The following NFYC variants were observed in gnomAD, a reference collection of about 807,000 sequenced individuals.
NFYC encodes CAAT box DNA-binding protein subunit C.
Under a neutral mutation model 53.1 loss-of-function variants are expected in NFYC, and 25 were observed. The observed-to-expected ratio is 0.47, with a 90% CI of 0.34 to 0.66. The LOEUF (loss-of-function observed/expected upper bound fraction) is 0.66. Ranked by LOEUF, NFYC falls within the 30% of genes least tolerant of loss-of-function variation. The pLI is 0.01. For missense variants in NFYC, 260 were observed against 422.7 expected, an observed-to-expected ratio of 0.62 and a Z score of 3.38; for synonymous variants, 145 against 152.6, an observed-to-expected ratio of 0.95 and a Z score of 0.37.
chr1:40,735,801 A>G (rs1211535434), intron 1 of NFYC: 6 of 973,846 alleles, frequency 6.2e-6, no homozygotes, highest in Non-Finnish European at 7.3e-6. Flanking sequence ...CCAGAAAGAT[A>G]TTTTTGTTTG....
At chr1:40,751,028 T>A (rs1645885424) in intron 4 of NFYC, among the ~76,000 whole-genome samples, 1 of 152,208 alleles carries the variant, frequency 6.6e-6, no homozygotes, top group African/African-American at 2.4e-5. Context: ...AACCCAGCCA[T>A]TTCATTCCTA....
chr1:40,712,037 G>C (rs1417201250), intron 1 of NFYC, among the ~76,000 whole-genome samples: 1 of 152,332 alleles, frequency 6.6e-6, no homozygotes, highest in African/African-American at 2.4e-5. Context: ...ATGAGATCAT[G>C]TGTGTCAAAG....
intron 1 of NFYC, among the ~76,000 whole-genome samples, chr1:40,721,986 C>T (rs1252751432): frequency 8.5e-5 from 13 of 152,090 alleles, no homozygotes; most frequent in South Asian, 2.1e-4. Flanking sequence ...CTGGCTAACA[C>T]GGTGAAACCC....
chr1:40,693,298 T>C (rs929751748), intron 1 of NFYC, among the ~76,000 whole-genome samples: 1 of 152,238 alleles, frequency 6.6e-6, no homozygotes, highest in Non-Finnish European at 1.5e-5. Flanking sequence ...TATGTTCTTT[T>C]CCACTGAATC....
chr1:40,720,288 G>C lies in NFYC; in HGVS notation c.-8-18548G>C, dbSNP rs75526831. Among the ~76,000 whole-genome samples, 700 of 152,212 alleles carry C rather than the reference G, an allele frequency of 4.6e-3. 6 individuals are homozygous for C. Among genetic ancestry groups the C allele is most frequent in the African/African-American group, 0.016 (679 of 41,520 alleles). On this transcript the variant is annotated intron_variant, in intron 1 of 9. Coordinates refer to ENST00000447388, the MANE Select transcript of NFYC (RefSeq NM_014223.5). Reference sequence around the variant, plus strand: ...ATTGACATTATTATAACGCCCTCTAGGTTTTTAATTGACAATTTTCTGCCT... The same window carrying C: ...ATTGACATTATTATAACGCCCTCTACGTTTTTAATTGACAATTTTCTGCCT...
intron 3 of NFYC, among the ~76,000 whole-genome samples, chr1:40,748,916 C>T (rs892535243): frequency 1.3e-5 from 2 of 152,162 alleles, no homozygotes; most frequent in African/African-American, 4.8e-5. Flanking sequence ...TCCCATTTCC[C>T]ATCTGCTGCT....
At chr1:40,720,842 G>A (rs932374919) in intron 1 of NFYC, among the ~76,000 whole-genome samples, 3 of 152,140 alleles carry the variant, frequency 2.0e-5, no homozygotes, top group African/African-American at 7.2e-5. Flanking sequence ...GCACTCCAGC[G>A]TGGGCAACAG....
intron 7 of NFYC, among the ~76,000 whole-genome samples, chr1:40,765,191 A>T (rs1050774524): frequency 6.6e-6 from 1 of 152,228 alleles, no homozygotes; most frequent in Non-Finnish European, 1.5e-5. Flanking sequence ...TGGGGAATTC[A>T]GGCTTGGCAC....
chr1:40,719,502 A>G (rs12073537), intron 1 of NFYC, among the ~76,000 whole-genome samples: 31,927 of 152,172 alleles, frequency 0.21, 3,420 homozygotes, highest in African/African-American at 0.23. Flanking sequence ...GATCCTTTCT[A>G]TCTCCACTTT....
rs1019313068 is a variant in NFYC at position 40,770,896 on chromosome 1, C to T, written c.*68C>T. On this transcript the variant is annotated 3_prime_UTR_variant, in exon 10 of 10. Coordinates refer to ENST00000447388, the MANE Select transcript of NFYC (RefSeq NM_014223.5). The surrounding 1 kb of genome is among the most constrained non-coding windows in gnomAD (Gnocchi z 5.3). Reference sequence around the variant, plus strand: ...GCCATACAGCCCCAGGCAATGGGCACAGCCTTCCTCCCCAGAGGACCCGGC... The same window carrying T: ...GCCATACAGCCCCAGGCAATGGGCATAGCCTTCCTCCCCAGAGGACCCGGC... 3.9e-6 allele frequency: 6 copies of T among 1,549,314 alleles called. No individual in the cohort carries two copies. The African/African-American group carries it at 8.1e-5, about 21-fold the overall frequency.
At chr1:40,766,903 C>T (rs1224381695) in intron 8 of NFYC, 200 bp downstream of exon 8, 2 of 1,552,026 alleles carry the variant, frequency 1.3e-6, no homozygotes, top group Non-Finnish European at 1.7e-6. Flanking sequence ...TTTCTCTTAC[C>T]ATCTTGTTCT....
Position 40,747,619 on chromosome 1 carries a change from C to T in NFYC, c.177+14C>T. ...GAAGATGTGAAGGTGAATTCACATTCATTTTTATTATTTCTTATTGAAGCT... is the reference window on the plus strand; with the variant it reads ...GAAGATGTGAAGGTGAATTCACATTTATTTTTATTATTTCTTATTGAAGCT... On this transcript the variant is annotated intron_variant, in intron 3 of 9. Transcript: ENST00000447388. The T allele has an allele frequency of 6.4e-7, 1 of 1,564,684 alleles. No individual in the cohort carries two copies. The highest frequency in any genetic ancestry group is 1.1e-5 in the South Asian group (1 of 89,484).
intron 1 of NFYC, among the ~76,000 whole-genome samples, chr1:40,731,706 A>C (rs1446136118): frequency 2.7e-5 from 4 of 150,916 alleles, no homozygotes; most frequent in African/African-American, 9.8e-5. Context: ...GGATGGTCTC[A>C]ATCTCCTGAC....
intron 5 of NFYC, chr1:40,757,280 T>C (rs1279710776): frequency 1.3e-5 from 7 of 531,088 alleles, no homozygotes; most frequent in South Asian, 9.8e-5. Context: ...CCCTGTGGGC[T>C]ATAACCATGC....
At chr1:40,728,698 T>G (rs1334479844) in intron 1 of NFYC, among the ~76,000 whole-genome samples, 14 of 152,018 alleles carry the variant, frequency 9.2e-5, no homozygotes, top group Non-Finnish European at 2.1e-4. Context: ...AGTGCAGTGG[T>G]GCAATCTTGG....
chr1:40,753,274 GCTGA>G (rs1354905415), intron 5 of NFYC, 28 bp downstream of exon 5: 1 of 1,523,532 alleles, frequency 6.6e-7, no homozygotes, highest in South Asian at 1.1e-5. Flanking sequence ...TGCAGTTGCT[GCTGA>G]CTGAAGAGCG....
rs1647021904 is a variant in NFYC at position 40,770,270 on chromosome 1, T to C, written c.889-439T>C. ...GTTTAGTTTCAACCTGAGCCAGATA[T>C]TCTGAGAAAAGAAGGAGAGGAGGGG... On this transcript the variant is annotated intron_variant, in intron 9 of 9. Coordinates refer to ENST00000447388, the MANE Select transcript of NFYC (RefSeq NM_014223.5). This position sits in a 1 kb window ranked among gnomAD's most constrained non-coding sequence, Gnocchi z 5.3. 2 of 924,934 alleles carry C rather than the reference T, an allele frequency of 2.2e-6. No individual in the cohort carries two copies. Among genetic ancestry groups the C allele is most frequent in the Non-Finnish European group, 1.6e-6 (1 of 627,464 alleles). The allele number at this position is 924,934 out of a possible 1,614,324, so 57.3% of individuals were successfully genotyped here. A position where few individuals can be genotyped will look rare whatever the true frequency, so the allele number is the denominator to read the frequency against.
intron 2 of NFYC, among the ~76,000 whole-genome samples, chr1:40,741,823 C>G (rs1000207240): frequency 1.3e-5 from 2 of 152,022 alleles, no homozygotes; most frequent in Admixed American, 1.3e-4. Context: ...TGGCTGGTCT[C>G]AAACTTCTGG....
At chr1:40,758,739 G>A (rs968755863) in intron 6 of NFYC, among the ~76,000 whole-genome samples, 9 of 152,222 alleles carry the variant, frequency 5.9e-5, no homozygotes, top group Admixed American at 1.3e-4. Flanking sequence ...CCATATTTGT[G>A]TTAAGTGACC....
Sources: gnomAD v4.1 joint callset for allele counts (sites outside exome capture counted in the v4.1 genomes callset) on GRCh38, gnomAD v4.1.1 for gene constraint, Gnocchi (gnomAD v3.1) non-coding constraint, MANE v1.5 for transcripts, NCBI Gene and HGNC (gene_info 2026-07-23, HGNC 2026-07-21) for gene names.